The following UBN2 variants were observed in gnomAD, a reference collection of about 807,000 sequenced individuals.
The protein encoded by UBN2 is ubinuclein-2.
A neutral mutation model predicts 120.2 loss-of-function variants in UBN2; 35 were observed. The ratio of observed to expected loss-of-function variants is 0.29; its 90% confidence interval spans 0.22 to 0.39. The LOEUF is 0.39. Ranked by LOEUF, UBN2 falls within the 10% of genes least tolerant of loss-of-function variation. UBN2 has a pLI of 1.00. For missense variants in UBN2, 1,693 were observed against 1,663.2 expected, an observed-to-expected ratio of 1.02 and a Z score of -0.31; for synonymous variants, 661 against 648.7, an observed-to-expected ratio of 1.02 and a Z score of -0.29.
intron 6 of UBN2, among the ~76,000 whole-genome samples, chr7:139,263,259 G>C (rs986685700): frequency 1.3e-5 from 2 of 152,184 alleles, no homozygotes; most frequent in Non-Finnish European, 2.9e-5. Flanking sequence ...AAAGAAGGGT[G>C]TGTATGCTAA....
chr7:139,258,656 A>C, intron 4 of UBN2, 31 bp downstream of exon 4: 1 of 1,506,582 alleles, frequency 6.6e-7, no homozygotes, highest in Non-Finnish European at 8.9e-7. Flanking sequence ...AACAGTACTG[A>C]GAATGTTCAA....
intron 2 of UBN2, among the ~76,000 whole-genome samples, chr7:139,251,287 G>A (rs919633299): frequency 6.6e-6 from 1 of 152,186 alleles, no homozygotes; most frequent in Non-Finnish European, 1.5e-5. Flanking sequence ...CCCTGTTGTT[G>A]ACATCTTGCA....
chr7:139,294,310 TGTGACA>T (rs1208998408), intron 17 of UBN2, among the ~76,000 whole-genome samples: 1 of 152,208 alleles, frequency 6.6e-6, no homozygotes, highest in East Asian at 1.9e-4. Flanking sequence ...GCCCCAGTCT[TGTGACA>T]GCTTACGTGG....
chr7:139,290,657 C>T (rs1019925149), intron 15 of UBN2, among the ~76,000 whole-genome samples: 5 of 152,254 alleles, frequency 3.3e-5, no homozygotes, highest in Admixed American at 1.3e-4. Context: ...TCTTAACTCT[C>T]AGATATGCAG....
downstream of UBN2, among the ~76,000 whole-genome samples, chr7:139,308,886 A>G (rs945910550): frequency 3.9e-5 from 6 of 152,174 alleles, no homozygotes; most frequent in Non-Finnish European, 7.4e-5. Context: ...CCTGGCCAAC[A>G]TGGTGCAACC....
At chr7:139,293,005 T>G (rs549378871) in intron 15 of UBN2, among the ~76,000 whole-genome samples, 1 of 151,976 alleles carries the variant, frequency 6.6e-6, no homozygotes, top group South Asian at 2.1e-4. Context: ...GGAGTGCGAG[T>G]GGAAGGTTGG....
intron 2 of UBN2, among the ~76,000 whole-genome samples, chr7:139,251,171 C>T (rs905719552): frequency 6.6e-6 from 1 of 151,976 alleles, no homozygotes; most frequent in African/African-American, 2.4e-5. Context: ...AGAGCAAGAC[C>T]CTATCTTTAA....
the UBN2 span, among the ~76,000 whole-genome samples, chr7:139,316,429 T>C: frequency 1.3e-5 from 2 of 152,186 alleles, no homozygotes; most frequent in African/African-American, 2.4e-5. Context: ...AATAATAGTT[T>C]AGTGGGATGT....
At chr7:139,295,504 C>G (rs1010339165) in intron 17 of UBN2, among the ~76,000 whole-genome samples, 1 of 152,154 alleles carries the variant, frequency 6.6e-6, no homozygotes, top group Non-Finnish European at 1.5e-5. Flanking sequence ...TCTTGTGGCT[C>G]AAAAAGACCC....
intron 2 of UBN2, among the ~76,000 whole-genome samples, chr7:139,238,946 C>T (rs997078718): frequency 2.0e-5 from 3 of 152,100 alleles, no homozygotes; most frequent in African/African-American, 7.2e-5. Context: ...ATCCTAAAAT[C>T]CTAGCATGTA....
At position 139,307,496 on chromosome 7, in the gene UBN2, A is replaced by G. The variant is rs1798379303; in HGVS notation, c.*9660A>G. The G allele has an allele frequency of 6.6e-6, 1 of 151,438 alleles. No homozygotes were observed. The highest frequency in any genetic ancestry group is 1.9e-4 in the East Asian group (1 of 5,182). 9.4% of individuals were successfully genotyped at this position (151,438 alleles called of 1,614,324 possible). A position where few individuals can be genotyped will look rare whatever the true frequency, so the allele number is the denominator to read the frequency against. ...TGTATTTTAGTAAAAAAAAAAAAAA[A>G]TAAATTTAAATAAAAGGGGGTGGTG... On this transcript the variant is annotated 3_prime_UTR_variant, in exon 18 of 18. Transcript: ENST00000473989.
In UBN2 at chr7:139,284,496, G is replaced by C; in HGVS notation, c.3591G>C (p.Gln1197His). 8 of 1,614,180 alleles carry C rather than the reference G, an allele frequency of 5.0e-6. No homozygotes were observed. The highest frequency in any genetic ancestry group is 6.8e-6 in the Non-Finnish European group (8 of 1,180,032). Reference sequence around the variant, plus strand: ...CTGGGGGAACAGGAAGTGGAACACAGGGTGCTACCAAACCATTGTCTACTC... The same window carrying C: ...CTGGGGGAACAGGAAGTGGAACACACGGTGCTACCAAACCATTGTCTACTC... Reference protein sequence around the residue: ...SLSGGTGSGTQGATKPLSTPH... With the variant: ...SLSGGTGSGTHGATKPLSTPH... The change falls in exon 15 of 18, where the codon CAG (glutamine) becomes CAC (histidine). Residue 1197 changes from glutamine to histidine, a missense_variant. Physicochemically the swap from Gln to His is conservative, Grantham distance 24. Around this residue, in one of 5 missense-constraint regions of UBN2, gnomAD observed 837 missense variants for 817.6 expected, o/e 1.02. Coordinates refer to ENST00000473989, the MANE Select transcript of UBN2 (RefSeq NM_173569.4).
the UBN2 span, among the ~76,000 whole-genome samples, chr7:139,327,933 T>G: frequency 2.6e-5 from 4 of 152,118 alleles, no homozygotes; most frequent in Admixed American, 2.6e-4. Context: ...CCCTAATCCC[T>G]CCTGTGTATT....
In UBN2 at chr7:139,307,153, A is replaced by AC. The variant is rs1798371618; in HGVS notation, c.*9318dup. ...ACCTCCACACTTGACATAGATGCCA[A>AC]CATGTTTCAAAACCAATCTTGAAGG... is the stretch of plus-strand genomic sequence containing the variant. On this transcript the variant is annotated 3_prime_UTR_variant, in exon 18 of 18. Transcript: ENST00000473989. 1 of 152,240 alleles carries AC rather than the reference A, an allele frequency of 6.6e-6. No individual in the cohort carries two copies. Among genetic ancestry groups the AC allele is most frequent in the African/African-American group, 2.4e-5 (1 of 41,462 alleles). The allele number at this position is 152,240 out of a possible 1,614,324, so 9.4% of individuals were successfully genotyped here.
At chr7:139,282,462 C>T (rs746795767) in intron 14 of UBN2, among the ~76,000 whole-genome samples, 1 of 152,026 alleles carries the variant, frequency 6.6e-6, no homozygotes, top group Non-Finnish European at 1.5e-5. Flanking sequence ...TACAGATTCA[C>T]CATAATAAAT....
chr7:139,283,589 C>T lies in UBN2; in HGVS notation c.2684C>T (p.Thr895Ile), dbSNP rs761360003. The stretch of plus-strand genomic sequence containing the variant: ...ATTCACACTTCTTCCTCTTCACAGA[C>T]CCATGTCTCCTCTTCTTCCCAAGCC... ...SQIHTSSSSQ[T>I]HVSSSSQAQI... Residue 895 changes from threonine (T) to isoleucine (I), a missense_variant, in exon 15 of 18, where the codon ACC becomes ATC. Around this residue, in one of 5 missense-constraint regions of UBN2, gnomAD observed 837 missense variants for 817.6 expected, o/e 1.02. Transcript: ENST00000473989. The T allele has an allele frequency of 1.9e-6, 3 of 1,614,204 alleles. No homozygotes were observed. The Admixed American group carries it at 5.0e-5, about 27-fold the overall frequency.
At chr7:139,236,967 G>T in intron 1 of UBN2, 38 bp from the exon 2 acceptor site, 1 of 1,323,858 alleles carries the variant, frequency 7.6e-7, no homozygotes. Flanking sequence ...TAATACTAAT[G>T]GATACTTCTC....
At chr7:139,287,870 G>A (rs1055103100) in intron 15 of UBN2, among the ~76,000 whole-genome samples, 1 of 152,130 alleles carries the variant, frequency 6.6e-6, no homozygotes, top group African/African-American at 2.4e-5. Flanking sequence ...ATCTATGCCT[G>A]TAAAGCATTC....
chr7:139,300,400 CTT>C lies in UBN2; in HGVS notation c.*2566_*2567del, dbSNP rs1184832464. The C allele has an allele frequency of 6.6e-6, 1 of 152,134 alleles. No individual in the cohort carries two copies. The allele number at this position is 152,134 out of a possible 1,614,324, so 9.4% of individuals were successfully genotyped here. ...TCTACATGTAAATAGTAATCTATTT[CTT>C]TCCTAGATCATAACATTGAAAAAGG... On this transcript the variant is annotated 3_prime_UTR_variant, in exon 18 of 18. Coordinates refer to ENST00000473989, the MANE Select transcript of UBN2 (RefSeq NM_173569.4).
Sources: gnomAD v4.1 joint callset for allele counts (sites outside exome capture counted in the v4.1 genomes callset) on GRCh38, gnomAD v4.1.1 for gene constraint, gnomAD v4.1.1 regional missense constraint, MANE v1.5 for transcripts, NCBI Gene and HGNC (gene_info 2026-07-23, HGNC 2026-07-21) for gene names.